Variants in GRID2 observed in about 807,000 individuals in gnomAD.
GRID2 encodes glutamate receptor ionotropic, delta-2.
Under a neutral mutation model 114.8 loss-of-function variants are expected in GRID2, and 33 were observed. The ratio of observed to expected loss-of-function variants is 0.29; its 90% confidence interval spans 0.22 to 0.38. GRID2 has a LOEUF of 0.38. Among genes scored for constraint, GRID2 ranks in the 10% least tolerant of loss-of-function variants. GRID2 has a pLI of 1.00. For missense variants in GRID2, 1,184 were observed against 1,257.7 expected, an observed-to-expected ratio of 0.94 and a Z score of 0.89; for synonymous variants, 505 against 449.9, an observed-to-expected ratio of 1.12 and a Z score of -1.55.
intron 1 of GRID2, among the ~76,000 whole-genome samples, chr4:92,546,893 T>C (rs1726290172): frequency 6.6e-6 from 1 of 152,224 alleles, no homozygotes; most frequent in Non-Finnish European, 1.5e-5. Flanking sequence ...TGGATGCTCA[T>C]AGCTAAACAC....
At chr4:93,199,280 C>T (rs1237066743) in intron 4 of GRID2, among the ~76,000 whole-genome samples, 3 of 152,192 alleles carry the variant, frequency 2.0e-5, no homozygotes, top group African/African-American at 4.8e-5. Flanking sequence ...AATCTTTATT[C>T]TCATGAGGTA....
chr4:93,174,885 G>T (rs1314478930), intron 4 of GRID2, among the ~76,000 whole-genome samples: 3 of 152,152 alleles, frequency 2.0e-5, no homozygotes, highest in African/African-American at 7.2e-5. Context: ...GAGCCTCTGG[G>T]TTGCTTCCAG....
intron 2 of GRID2, among the ~76,000 whole-genome samples, chr4:93,015,251 C>G (rs1443333284): frequency 6.6e-6 from 1 of 151,978 alleles, no homozygotes; most frequent in African/African-American, 2.4e-5. Context: ...CTGGCATAGA[C>G]TAGATAGATC....
chr4:92,471,341 G>A (rs1229545948), intron 1 of GRID2, among the ~76,000 whole-genome samples: 1 of 152,020 alleles, frequency 6.6e-6, no homozygotes, highest in Non-Finnish European at 1.5e-5. Context: ...ACAAGATTGA[G>A]GACCAGTGAC....
intron 8 of GRID2, among the ~76,000 whole-genome samples, chr4:93,323,052 TA>T (rs1452985658): frequency 6.6e-6 from 1 of 152,202 alleles, no homozygotes; most frequent in Non-Finnish European, 1.5e-5. Context: ...TTAGTTTAAT[TA>T]GATCACTTTT....
At chr4:92,450,609 C>T (rs1579386899) in intron 1 of GRID2, among the ~76,000 whole-genome samples, 1 of 151,846 alleles carries the variant, frequency 6.6e-6, no homozygotes, top group South Asian at 2.1e-4. Context: ...ATGAGGTGGG[C>T]TTTGATGGCA....
intron 1 of GRID2, among the ~76,000 whole-genome samples, chr4:92,425,742 C>T: frequency 6.6e-6 from 1 of 152,020 alleles, no homozygotes; most frequent in Non-Finnish European, 1.5e-5. Context: ...ACCATTATGT[C>T]CCAGCTGTGT....
intron 1 of GRID2, among the ~76,000 whole-genome samples, chr4:92,388,487 C>T (rs929342640): frequency 6.6e-6 from 1 of 151,928 alleles, no homozygotes; most frequent in South Asian, 2.1e-4. Flanking sequence ...ATTCCTCACC[C>T]CGAGGAAGGT....
chr4:93,255,860 A>G (rs1027199029), intron 8 of GRID2, among the ~76,000 whole-genome samples: 3 of 152,084 alleles, frequency 2.0e-5, no homozygotes, highest in African/African-American at 7.2e-5. Flanking sequence ...CAGGTATCCT[A>G]TTAGAGCCCC....
At chr4:92,405,078 C>T (rs779408080) in intron 1 of GRID2, among the ~76,000 whole-genome samples, 2 of 152,074 alleles carry the variant, frequency 1.3e-5, no homozygotes, top group Non-Finnish European at 2.9e-5. Context: ...ATTCTGTAAC[C>T]ATATCAGATA....
intron 13 of GRID2, among the ~76,000 whole-genome samples, chr4:93,565,063 A>G (rs1433094851): frequency 6.6e-6 from 1 of 152,106 alleles, no homozygotes; most frequent in African/African-American, 2.4e-5. Context: ...GTTGCAATTG[A>G]ACTGTCAAAT....
At chr4:93,780,740 TG>T (rs1290628291) in intron 1 of GRID2, among the ~76,000 whole-genome samples, 1 of 152,090 alleles carries the variant, frequency 6.6e-6, no homozygotes, top group Non-Finnish European at 1.5e-5. Context: ...CTCACAACCA[TG>T]GAAAGTGTGA....
At chr4:93,044,511 A>G (rs192040956) in intron 2 of GRID2, among the ~76,000 whole-genome samples, 1 of 152,282 alleles carries the variant, frequency 6.6e-6, no homozygotes, top group East Asian at 1.9e-4. Flanking sequence ...TAAGGAATAA[A>G]TGTTCAAATT....
At chr4:93,580,191 C>G (rs1736827149) in intron 13 of GRID2, among the ~76,000 whole-genome samples, 2 of 152,194 alleles carry the variant, frequency 1.3e-5, no homozygotes, top group Admixed American at 6.5e-5. Flanking sequence ...GTGCTGCCAG[C>G]ATTTGCTCTG....
intron 13 of GRID2, among the ~76,000 whole-genome samples, chr4:93,625,053 G>C (rs901752276): frequency 6.6e-6 from 1 of 152,196 alleles, no homozygotes; most frequent in Non-Finnish European, 1.5e-5. Context: ...AATTTAGAAG[G>C]ACACAGGACA....
intron 11 of GRID2, among the ~76,000 whole-genome samples, chr4:93,472,559 T>G (rs1724944242): frequency 6.6e-6 from 1 of 152,110 alleles, no homozygotes; most frequent in African/African-American, 2.4e-5. Context: ...ACTTATCAGA[T>G]AAAAATAAGG....
intron 1 of GRID2, among the ~76,000 whole-genome samples, chr4:92,329,868 C>G (rs1454987812): frequency 6.6e-6 from 1 of 150,832 alleles, no homozygotes; most frequent in Non-Finnish European, 1.5e-5. Flanking sequence ...AAATGACATA[C>G]AACAGAGACT....
intron 1 of GRID2, among the ~76,000 whole-genome samples, chr4:92,329,148 G>T (rs73839284): frequency 1.3e-5 from 2 of 151,872 alleles, no homozygotes; most frequent in Non-Finnish European, 2.9e-5. Flanking sequence ...ACCCTAAATT[G>T]TTAATATTCC....
At chr4:92,320,233 A>G (rs1037171557) in intron 1 of GRID2, among the ~76,000 whole-genome samples, 6 of 152,194 alleles carry the variant, frequency 3.9e-5, no homozygotes, top group African/African-American at 1.4e-4. Context: ...TATTTTTCAT[A>G]GTGGTCAATT....
Sources: gnomAD v4.1 joint callset for allele counts (sites outside exome capture counted in the v4.1 genomes callset) on GRCh38, gnomAD v4.1.1 for gene constraint, MANE v1.5 for transcripts, NCBI Gene and HGNC (gene_info 2026-07-23, HGNC 2026-07-21) for gene names.